NBEA: variants seen among roughly 807,000 people sequenced by gnomAD.
NBEA encodes neurobeachin.
Under a neutral mutation model 343.4 loss-of-function variants are expected in NBEA, and 44 were observed. That is an observed-to-expected ratio of 0.13 (90% CI 0.10 to 0.16). The LOEUF is 0.16. Among genes scored for constraint, NBEA ranks in the 10% least tolerant of loss-of-function variants. NBEA has a pLI of 1.00. For synonymous variants in NBEA, 1,175 were observed against 1,238.7 expected (o/e 0.95, Z 1.08); for missense variants, 2,555 against 3,631.3 (o/e 0.70, Z 7.62).
intron 10 of NBEA, among the ~76,000 whole-genome samples, chr13:35,083,080 T>G (rs557646923): frequency 2.0e-4 from 30 of 152,338 alleles, no homozygotes; most frequent in South Asian, 4.1e-4. Flanking sequence ...TAATCCATCT[T>G]GAATTAATTT....
At chr13:35,621,417 C>T (rs2153060847) in intron 48 of NBEA, among the ~76,000 whole-genome samples, 1 of 152,198 alleles carries the variant, frequency 6.6e-6, no homozygotes, top group Middle Eastern at 3.4e-3. Context: ...CTTCCCTGAC[C>T]TCCTCCCCTA....
At chr13:35,668,033 A>G (rs983123941) in intron 57 of NBEA, among the ~76,000 whole-genome samples, 8 of 152,240 alleles carry the variant, frequency 5.3e-5, no homozygotes, top group African/African-American at 1.7e-4. Context: ...TTAATTCTCT[A>G]TAATATTAAT....
At chr13:35,012,964 T>C (rs1285384975) in intron 1 of NBEA, among the ~76,000 whole-genome samples, 1 of 152,236 alleles carries the variant, frequency 6.6e-6, no homozygotes, top group African/African-American at 2.4e-5. Flanking sequence ...CCTGATTGTG[T>C]ACTTTAGGGA....
Position 35,088,445 on chromosome 13 carries a change from G to A in NBEA, c.1572-9852G>A, listed in dbSNP as rs181827756. ...AATCCAATTTCCATGGTTAGCCATA[G>A]CCATGTGGATTTCTCAAACTATATG... On this transcript the variant is annotated intron_variant, in intron 10 of 58. Transcript: ENST00000379939. Among the ~76,000 whole-genome samples, 749 of 151,970 alleles carry A rather than the reference G, an allele frequency of 4.9e-3. 2 individuals carry two copies. The highest frequency in any genetic ancestry group is 7.4e-3 in the Admixed American group (113 of 15,204).
intron 34 of NBEA, among the ~76,000 whole-genome samples, chr13:35,274,137 C>G (rs976185084): frequency 6.6e-6 from 1 of 152,138 alleles, no homozygotes. Context: ...CTACTGAATC[C>G]AGCAGCATAT....
chr13:35,414,896 T>C (rs1208934186), intron 38 of NBEA, among the ~76,000 whole-genome samples: 1 of 152,206 alleles, frequency 6.6e-6, no homozygotes, highest in African/African-American at 2.4e-5. Flanking sequence ...GCACCTGTTG[T>C]TTCCTGACTT....
chr13:35,173,622 T>G (rs908674276), intron 27 of NBEA, 28 bp downstream of exon 27: 1 of 1,583,492 alleles, frequency 6.3e-7, no homozygotes, highest in African/African-American at 1.4e-5. Context: ...CTTGGCCAAA[T>G]ATAATTTACC....
At chr13:35,084,402 C>G (rs143140289) in intron 10 of NBEA, among the ~76,000 whole-genome samples, 2 of 152,284 alleles carry the variant, frequency 1.3e-5, no homozygotes, top group Admixed American at 1.3e-4. Flanking sequence ...ACAGTGCAGT[C>G]AAACTAGAAC....
At chr13:35,596,900 G>GA (rs559805420) in intron 47 of NBEA, among the ~76,000 whole-genome samples, 1,682 of 138,836 alleles carry the variant, frequency 0.012, 12 homozygotes, top group Non-Finnish European at 0.012. Context: ...TCAGTCTTTT[G>GA]AAAAAAAAAA....
intron 41 of NBEA, among the ~76,000 whole-genome samples, chr13:35,484,258 GTGTGTGTGTGTGTGTGTATATA>G (rs1566204180): frequency 3.0e-5 from 4 of 135,098 alleles, no homozygotes; most frequent in African/African-American, 8.7e-5. Context: ...GTGTGTGTGT[GTGTGTGTGTGTGTGTGTATATA>G]TATATATATA....
At chr13:35,535,524 C>G (rs1238637779) in intron 41 of NBEA, among the ~76,000 whole-genome samples, 1 of 152,076 alleles carries the variant, frequency 6.6e-6, no homozygotes, top group East Asian at 1.9e-4. Context: ...CCCATCACTC[C>G]TGACTGAGGG....
chr13:35,567,210 C>T (rs1380280440), intron 45 of NBEA, among the ~76,000 whole-genome samples, 193 bp downstream of exon 45: 1 of 152,154 alleles, frequency 6.6e-6, no homozygotes, highest in Non-Finnish European at 1.5e-5. Flanking sequence ...CTAGTACTAG[C>T]ATAGGCAAAA....
chr13:35,375,188 G>A (rs1383808746), intron 38 of NBEA, among the ~76,000 whole-genome samples: 3 of 152,014 alleles, frequency 2.0e-5, no homozygotes, highest in Admixed American at 2.0e-4. Flanking sequence ...ACTTTTGAAC[G>A]CTTCTACTAG....
intron 38 of NBEA, among the ~76,000 whole-genome samples, chr13:35,411,776 G>A (rs1390284842): frequency 2.0e-5 from 3 of 152,032 alleles, no homozygotes; most frequent in Non-Finnish European, 2.9e-5. Context: ...AGGATTACAG[G>A]CATGAGCCAC....
chr13:35,468,118 C>A (rs1373520212), intron 40 of NBEA, among the ~76,000 whole-genome samples: 1 of 145,364 alleles, frequency 6.9e-6, no homozygotes, highest in South Asian at 2.3e-4. Context: ...ACCCCCCCCC[C>A]ACTCCCCTCC....
intron 35 of NBEA, among the ~76,000 whole-genome samples, chr13:35,301,915 A>G (rs1030208525): frequency 1.6e-4 from 24 of 152,208 alleles, no homozygotes; most frequent in African/African-American, 5.3e-4. Context: ...AGAGCCCACA[A>G]TATGTTTTAT....
At chr13:35,626,280 G>A (rs946746083) in intron 48 of NBEA, among the ~76,000 whole-genome samples, 1 of 152,166 alleles carries the variant, frequency 6.6e-6, no homozygotes, top group Non-Finnish European at 1.5e-5. Context: ...TATTGCCCAT[G>A]GTGGTGGAAG....
intron 34 of NBEA, among the ~76,000 whole-genome samples, chr13:35,248,575 T>C (rs1479307657): frequency 6.6e-6 from 1 of 150,932 alleles, no homozygotes; most frequent in Non-Finnish European, 1.5e-5. Flanking sequence ...ATAGAATCTC[T>C]AGCCAAAAAC....
intron 40 of NBEA, among the ~76,000 whole-genome samples, chr13:35,458,192 G>T (rs1471658701): frequency 6.6e-6 from 1 of 152,116 alleles, no homozygotes; most frequent in Non-Finnish European, 1.5e-5. Flanking sequence ...GCATGTGAGG[G>T]TTTCAATTTC....
Sources: allele counts gnomAD v4.1 joint callset (sites outside exome capture counted in the v4.1 genomes callset), GRCh38; gene constraint gnomAD v4.1.1; transcripts MANE v1.5; gene names NCBI Gene and HGNC (gene_info 2026-07-23, HGNC 2026-07-21).